FRMPD4: variants seen among roughly 807,000 people sequenced by gnomAD.
The protein encoded by FRMPD4 is FERM and PDZ domain-containing protein 4.
Under a neutral mutation model 94.1 loss-of-function variants are expected in FRMPD4, and 22 were observed. That is an observed-to-expected ratio of 0.23 (90% CI 0.17 to 0.33). The LOEUF (loss-of-function observed/expected upper bound fraction) is 0.33, where lower values mean the gene tolerates loss of function less well. Ranked by LOEUF, FRMPD4 falls within the 10% of genes least tolerant of loss-of-function variation. FRMPD4 has a pLI of 1.00. For synonymous variants in FRMPD4, 631 were observed against 548.6 expected, an observed-to-expected ratio of 1.15 and a Z score of -2.10; for missense variants, 1,111 against 1,339.9, an observed-to-expected ratio of 0.83 and a Z score of 2.67.
At chrX:12,350,951 A>G (rs949547897) in intron 1 of FRMPD4, among the ~76,000 whole-genome samples, 19 of 112,179 alleles carry the variant, frequency 1.7e-4, no homozygotes, top group Middle Eastern at 4.6e-3. Flanking sequence ...CAAGGCGGGC[A>G]GATCACGAGG....
intron 1 of FRMPD4, among the ~76,000 whole-genome samples, chrX:12,481,068 C>T (rs2057675026): frequency 9.0e-6 from 1 of 111,543 alleles, no homozygotes; most frequent in Admixed American, 9.5e-5. Context: ...GCCCTTCTTG[C>T]TTCCTCCTTG....
chrX:12,637,572 T>C (rs2059454609), intron 4 of FRMPD4, among the ~76,000 whole-genome samples: 2 of 111,088 alleles, frequency 1.8e-5, no homozygotes, highest in African/African-American at 6.5e-5. Flanking sequence ...CCTAGCTACT[T>C]GGGAGGCTGA....
intron 3 of FRMPD4, among the ~76,000 whole-genome samples, chrX:12,047,854 C>G (rs2147448442): frequency 8.9e-6 from 1 of 112,527 alleles, no homozygotes; most frequent in East Asian, 2.8e-4. Flanking sequence ...GCATAGTATT[C>G]CATGACGTAT....
chrX:12,539,671 T>C (rs749821074), intron 2 of FRMPD4, among the ~76,000 whole-genome samples: 1 of 110,207 alleles, frequency 9.1e-6, no homozygotes, highest in South Asian at 3.9e-4. Context: ...TTCACTCTTG[T>C]TGCCCAGGCT....
chrX:12,153,968 T>C (rs1393908906), intron 1 of FRMPD4, among the ~76,000 whole-genome samples: 1 of 112,965 alleles, frequency 8.9e-6, no homozygotes, highest in Non-Finnish European at 1.9e-5. Context: ...ATTTATGTAT[T>C]GTCTACAGTT....
At chrX:12,638,582 C>T (rs977751337) in intron 4 of FRMPD4, among the ~76,000 whole-genome samples, 1 of 111,085 alleles carries the variant, frequency 9.0e-6, no homozygotes, top group Non-Finnish European at 1.9e-5. Context: ...AGATCAATGC[C>T]TTTGTATAAT....
intron 1 of FRMPD4, among the ~76,000 whole-genome samples, chrX:12,442,796 C>G (rs1006596924): frequency 9.0e-6 from 1 of 111,530 alleles, no homozygotes; most frequent in Non-Finnish European, 1.9e-5. Context: ...TTTATAGCAA[C>G]ATTATTCCTA....
chrX:12,229,212 CT>C (rs1350761533), intron 1 of FRMPD4, among the ~76,000 whole-genome samples: 5 of 111,111 alleles, frequency 4.5e-5, no homozygotes, highest in Admixed American at 9.6e-5. Context: ...AGGTTGTTTG[CT>C]TTTTTTTCCC....
chrX:12,582,965 C>G (rs2058883742), intron 2 of FRMPD4, among the ~76,000 whole-genome samples: 1 of 112,255 alleles, frequency 8.9e-6, no homozygotes. Flanking sequence ...CCTTCTATGC[C>G]TTTGCTTGCA....
At chrX:12,526,472 T>C (rs2058224701) in intron 2 of FRMPD4, among the ~76,000 whole-genome samples, 1 of 112,718 alleles carries the variant, frequency 8.9e-6, no homozygotes, top group Non-Finnish European at 1.9e-5. Context: ...ATCGCGTTGT[T>C]AGCAGTTGAC....
intron 1 of FRMPD4, among the ~76,000 whole-genome samples, chrX:12,447,623 A>G (rs775721251): frequency 1.8e-5 from 2 of 112,027 alleles, no homozygotes; most frequent in African/African-American, 6.5e-5. Flanking sequence ...ATGGTCTTTT[A>G]TATTTCCCTA....
intron 3 of FRMPD4, among the ~76,000 whole-genome samples, chrX:12,093,691 A>G (rs921716248): frequency 4.5e-5 from 5 of 110,690 alleles, no homozygotes; most frequent in African/African-American, 1.6e-4. Context: ...GTAGTATGAC[A>G]GAAGTATGCT....
intron 3 of FRMPD4, among the ~76,000 whole-genome samples, chrX:11,896,891 A>G (rs1359982248): frequency 2.7e-5 from 3 of 111,610 alleles, no homozygotes; most frequent in African/African-American, 9.8e-5. Context: ...CAGGTCTGGT[A>G]CAAAGCCTGG....
chrX:12,505,680 T>C (rs1602041886), intron 2 of FRMPD4, among the ~76,000 whole-genome samples: 1 of 93,554 alleles, frequency 1.1e-5, no homozygotes, highest in East Asian at 3.4e-4. Context: ...TGAGCCAAGA[T>C]CGTGCCATTG....
At position 11,953,738 on chromosome X, in the gene FRMPD4, C is replaced by G. The variant is rs749983253; in HGVS notation, c.95+75720C>G. Among the ~76,000 whole-genome samples the G allele has an allele frequency of 4.5e-5, 5 of 111,423 alleles. No homozygotes were observed. In the East Asian group the frequency reaches 1.1e-3, roughly 25 times the overall value. On this transcript the variant is annotated intron_variant, in intron 3 of 18. Transcript: ENST00000640291. Reference sequence around the variant, plus strand: ...GAAATGCCTTTCCTTGAGAGTCAGCCAGTTCTCTTAAGGGGCCATTCAAGG... The same window carrying G: ...GAAATGCCTTTCCTTGAGAGTCAGCGAGTTCTCTTAAGGGGCCATTCAAGG...
At chrX:12,290,941 G>T (rs1260388371) in intron 1 of FRMPD4, among the ~76,000 whole-genome samples, 1 of 111,157 alleles carries the variant, frequency 9.0e-6, no homozygotes, top group Admixed American at 9.5e-5. Context: ...AGAAGATGGG[G>T]TTTCTTTGTT....
At chrX:12,274,995 C>T (rs1414955911) in intron 1 of FRMPD4, among the ~76,000 whole-genome samples, 1 of 112,006 alleles carries the variant, frequency 8.9e-6, no homozygotes. Context: ...GGCAACAGAG[C>T]GAGACTCCAT....
intron 1 of FRMPD4, among the ~76,000 whole-genome samples, chrX:12,445,003 A>G (rs2057178845): frequency 8.9e-6 from 1 of 112,111 alleles, no homozygotes; most frequent in Non-Finnish European, 1.9e-5. Flanking sequence ...TTATTACAAC[A>G]AAGTTCCTGT....
chrX:12,138,949 C>T lies in FRMPD4; in HGVS notation c.-23C>T, dbSNP rs748919873. On this transcript the variant is annotated 5_prime_UTR_variant, in exon 1 of 17. Coordinates refer to ENST00000675598, the MANE Select transcript of FRMPD4 (RefSeq NM_001368397.1). ...GAGAAGGGGCGACGGAGTTGTCGCG[C>T]TCGGGGGTCCCCAGCTGCCTGCATG... 2 of 1,144,360 alleles carry T rather than the reference C, an allele frequency of 1.7e-6. No homozygotes were observed. The highest frequency in any genetic ancestry group is 2.6e-5 in the Admixed American group (1 of 39,042). 94.3% of individuals were successfully genotyped at this position (1,144,360 alleles called of 1,213,427 possible). A position where few individuals can be genotyped will look rare whatever the true frequency, so the allele number is the denominator to read the frequency against.
Sources: gnomAD v4.1 joint callset for allele counts (sites outside exome capture counted in the v4.1 genomes callset) on GRCh38, gnomAD v4.1.1 for gene constraint, MANE v1.5 for transcripts, NCBI Gene and HGNC (gene_info 2026-07-23, HGNC 2026-07-21) for gene names.